Variants in IL2RB observed in about 807,000 individuals in gnomAD.
IL2RB encodes the protein interleukin-2 receptor subunit beta.
Under a neutral mutation model 44.2 loss-of-function variants are expected in IL2RB, and 17 were observed. The observed-to-expected ratio is 0.38, with a 90% CI of 0.26 to 0.58. The LOEUF (loss-of-function observed/expected upper bound fraction) is 0.58, where lower values mean the gene tolerates loss of function less well. Ranked by LOEUF, IL2RB falls within the 20% of genes least tolerant of loss-of-function variation. The pLI is 0.63. For synonymous variants in IL2RB, 286 were observed against 297.9 expected, an observed-to-expected ratio of 0.96 and a Z score of 0.41; for missense variants, 624 against 685.5, an observed-to-expected ratio of 0.91 and a Z score of 1.00.
intron 9 of IL2RB, among the ~76,000 whole-genome samples, chr22:37,131,426 C>T (rs915862283): frequency 6.6e-6 from 1 of 152,160 alleles, no homozygotes; most frequent in Admixed American, 6.6e-5. Flanking sequence ...CCCCCCATGT[C>T]CCCCCTTCAT....
chr22:37,137,254 T>C (rs1921755228), intron 6 of IL2RB, among the ~76,000 whole-genome samples: 1 of 152,208 alleles, frequency 6.6e-6, no homozygotes, highest in Admixed American at 6.5e-5. Context: ...CCCGCACGGA[T>C]GTGGAGCAGA....
chr22:37,146,961 A>G (rs992174800), intron 1 of IL2RB, among the ~76,000 whole-genome samples: 1 of 152,204 alleles, frequency 6.6e-6, no homozygotes. Flanking sequence ...TGAGAGTCAG[A>G]GGCCCACGCA....
At chr22:37,153,344 T>A (rs1250629561), upstream of IL2RB, among the ~76,000 whole-genome samples, 1 of 152,232 alleles carries the variant, frequency 6.6e-6, no homozygotes, top group African/African-American at 2.4e-5. Context: ...AACTCCCATG[T>A]GCAAAGCCCG....
intron 1 of IL2RB, among the ~76,000 whole-genome samples, chr22:37,158,707 A>C (rs947646687): frequency 6.6e-6 from 1 of 152,222 alleles, no homozygotes; most frequent in Non-Finnish European, 1.5e-5. Flanking sequence ...GTTCGAAGGC[A>C]TGAGTGTGGC....
At position 37,134,096 on chromosome 22, in the gene IL2RB, C is replaced by G. The variant is rs532374345; in HGVS notation, c.818+1232G>C. On this transcript the variant is annotated intron_variant, in intron 8 of 9. Transcript: ENST00000216223. ...ACTCAGGATCCGTGGGTTCTGCACT[C>G]ACGGATTCAGCCAATCTCTGATCAA... Among the ~76,000 whole-genome samples the G allele has an allele frequency of 2.0e-5, 3 of 152,128 alleles. No individual in the cohort carries two copies. The South Asian group carries it at 6.2e-4, about 32-fold the overall frequency.
intron 1 of IL2RB, among the ~76,000 whole-genome samples, chr22:37,172,260 G>A (rs923929364): frequency 6.6e-6 from 1 of 151,738 alleles, no homozygotes; most frequent in Non-Finnish European, 1.5e-5. Context: ...GAGGCAAGGG[G>A]CTAGAGCCCC....
chr22:37,161,958 G>A (rs1481350566), intron 1 of IL2RB: 1 of 152,226 alleles, frequency 6.6e-6, no homozygotes, highest in Non-Finnish European at 1.5e-5. Flanking sequence ...GCTTCTCCAA[G>A]CTTCTCCAAG....
chr22:37,154,556 T>G (rs1922608522), upstream of IL2RB, among the ~76,000 whole-genome samples: 1 of 151,110 alleles, frequency 6.6e-6, no homozygotes, highest in South Asian at 2.1e-4. Flanking sequence ...TCTTAATCCC[T>G]CTATCTCTCT....
At chr22:37,134,973 C>T (rs1280616602) in intron 8 of IL2RB, among the ~76,000 whole-genome samples, 2 of 152,162 alleles carry the variant, frequency 1.3e-5, no homozygotes, top group Non-Finnish European at 2.9e-5. Flanking sequence ...CTGACATGTG[C>T]ACACGGGCAT....
intron 9 of IL2RB, among the ~76,000 whole-genome samples, chr22:37,131,049 C>A (rs1180626081): frequency 6.6e-6 from 1 of 152,152 alleles, no homozygotes; most frequent in Non-Finnish European, 1.5e-5. Context: ...TGCTTGTAGT[C>A]CCAGCTACTC....
chr22:37,165,046 C>T (rs1258415826), intron 1 of IL2RB, among the ~76,000 whole-genome samples: 1 of 152,166 alleles, frequency 6.6e-6, no homozygotes, highest in Non-Finnish European at 1.5e-5. Flanking sequence ...TTTGAGAGGC[C>T]GCATGTTACC....
In IL2RB at chr22:37,128,965, T is replaced by G; in HGVS notation, c.904-117A>C. The G allele has an allele frequency of 8.1e-7, 1 of 1,236,702 alleles. No individual in the cohort carries two copies. Among genetic ancestry groups the G allele is most frequent in the Admixed American group, 2.8e-5 (1 of 35,656 alleles). 76.6% of individuals were successfully genotyped at this position (1,236,702 alleles called of 1,614,324 possible). A position where few individuals can be genotyped will look rare whatever the true frequency, so the allele number is the denominator to read the frequency against. On this transcript the variant is annotated intron_variant, in intron 9 of 9. Transcript: ENST00000216223. This position sits in a 1 kb window ranked among gnomAD's most constrained non-coding sequence, Gnocchi z 4.5. Reference sequence around the variant, plus strand: ...CCTCCTGAAGCAGTTGGCCCAGGGCTGCCCCATCCAGGAAGCTCTCCCTGA... The same window carrying G: ...CCTCCTGAAGCAGTTGGCCCAGGGCGGCCCCATCCAGGAAGCTCTCCCTGA...
rs1921095522 is a variant in IL2RB at position 37,126,065 on chromosome 22, A to T, written c.*2031T>A. The T allele has an allele frequency of 1.3e-5, 2 of 152,206 alleles. No individual in the cohort carries two copies. The highest frequency in any genetic ancestry group is 4.1e-4 in the South Asian group (2 of 4,828). 9.4% of individuals were successfully genotyped at this position (152,206 alleles called of 1,614,324 possible). A position where few individuals can be genotyped will look rare whatever the true frequency, so the allele number is the denominator to read the frequency against. ...TGTCACAAATGATTAAGACTTAAAA[A>T]ATGTAACCCTCCCAAGAAGTGGGAG... On this transcript the variant is annotated 3_prime_UTR_variant, in exon 10 of 10. Coordinates refer to ENST00000216223, the MANE Select transcript of IL2RB (RefSeq NM_000878.5).
upstream of IL2RB, among the ~76,000 whole-genome samples, chr22:37,150,727 AC>A (rs942708969): frequency 2.0e-5 from 3 of 151,338 alleles, no homozygotes; most frequent in Non-Finnish European, 4.4e-5. Context: ...CACCCCTCCA[AC>A]CCCCACTGCC....
At chr22:37,138,264 C>T (rs905441847) in intron 5 of IL2RB, among the ~76,000 whole-genome samples, 2 of 152,216 alleles carry the variant, frequency 1.3e-5, no homozygotes, top group East Asian at 1.9e-4. Context: ...AGTTTCTATA[C>T]TTCTAAGACT....
At chr22:37,159,518 G>C (rs543863368) in intron 1 of IL2RB, among the ~76,000 whole-genome samples, 1 of 152,164 alleles carries the variant, frequency 6.6e-6, no homozygotes. Flanking sequence ...CTAGATCTGG[G>C]TATCACCTGG....
chr22:37,133,300 G>A lies in IL2RB; in HGVS notation c.819-832C>T, dbSNP rs551503549. ...TGAAGGCCTGCAGGGAGCTGTGGGC[G>A]GAGGGGACGGGTGGGTGGAGGAATG... On this transcript the variant is annotated intron_variant, in intron 8 of 9. Coordinates refer to ENST00000216223, the MANE Select transcript of IL2RB (RefSeq NM_000878.5). Among the ~76,000 whole-genome samples, 9 of 152,326 alleles carry A rather than the reference G, an allele frequency of 5.9e-5. No homozygotes were observed. In the South Asian group the frequency reaches 8.3e-4, roughly 14 times the overall value.
chr22:37,155,839 C>A (rs1274421438), intron 1 of IL2RB, among the ~76,000 whole-genome samples: 2 of 152,218 alleles, frequency 1.3e-5, no homozygotes, highest in Non-Finnish European at 2.9e-5. Flanking sequence ...CTCTGCGCTG[C>A]ATCTTCATGG....
At chr22:37,163,754 C>T (rs1279350442) in intron 1 of IL2RB, among the ~76,000 whole-genome samples, 1 of 152,250 alleles carries the variant, frequency 6.6e-6, no homozygotes. Context: ...CTCCACCACC[C>T]ACATGGGCTT....
Sources: gnomAD v4.1 joint callset for allele counts (sites outside exome capture counted in the v4.1 genomes callset) on GRCh38, gnomAD v4.1.1 for gene constraint, Gnocchi (gnomAD v3.1) non-coding constraint, MANE v1.5 for transcripts, NCBI Gene and HGNC (gene_info 2026-07-23, HGNC 2026-07-21) for gene names.